CYTH2: variants seen among roughly 807,000 people sequenced by gnomAD.
CYTH2 encodes cytohesin 2, also known as cytohesin-2.
A neutral mutation model predicts 55.4 loss-of-function variants in CYTH2; 24 were observed. The observed-to-expected ratio is 0.43, with a 90% CI of 0.31 to 0.61. The LOEUF (loss-of-function observed/expected upper bound fraction) is 0.61, where lower values mean the gene tolerates loss of function less well. Ranked by LOEUF, CYTH2 falls within the 20% of genes least tolerant of loss-of-function variation. CYTH2 has a pLI of 0.08. For synonymous variants in CYTH2, 221 were observed against 209.6 expected (o/e 1.05, Z -0.47); for missense variants, 378 against 533.5 (o/e 0.71, Z 2.87).
At chr19:48,469,788 G>A (rs1971747701) in intron 1 of CYTH2, 1 of 465,410 alleles carries the variant, frequency 2.1e-6, no homozygotes, top group Non-Finnish European at 3.8e-6. Context: ...GGCCGGGGCG[G>A]AACCATTCCC....
In CYTH2 at chr19:48,474,207, C is replaced by A; in HGVS notation, c.573C>A (p.Ala191=). 2 of 1,607,790 alleles carry A rather than the reference C, an allele frequency of 1.2e-6. No individual in the cohort carries two copies. Among genetic ancestry groups the A allele is most frequent in the Admixed American group, 1.7e-5 (1 of 59,200 alleles). ...STDTCYVLSF[A]VIMLNTSLHN... is the part of the protein sequence containing the mutation. The stretch of plus-strand genomic sequence containing the variant: ...ACACGTGCTATGTGCTGTCCTTCGC[C>A]GTCATCATGCTCAACACCAGTCTCC... Residue 191 remains alanine, a synonymous_variant, in exon 7 of 12, where the codon GCC becomes GCA. Coordinates refer to ENST00000452733, the MANE Select transcript of CYTH2 (RefSeq NM_004228.7). This position sits in a 1 kb window ranked among gnomAD's most constrained non-coding sequence, Gnocchi z 4.9.
At chr19:48,469,601 C>G (rs898719481) in intron 1 of CYTH2, 75 bp downstream of exon 1, 1 of 1,315,566 alleles carries the variant, frequency 7.6e-7, no homozygotes. Flanking sequence ...GCGAACGTTT[C>G]CCCCTGGCGC....
chr19:48,475,027 C>T (rs1971884131), intron 8 of CYTH2, 78 bp downstream of exon 8: 1 of 1,294,886 alleles, frequency 7.7e-7, no homozygotes, highest in Non-Finnish European at 1.1e-6. Flanking sequence ...AGCTTCCGCA[C>T]ACACCTGCTG....
chr19:48,478,168 T>C, intron 9 of CYTH2, 23 bp downstream of exon 9: 1 of 1,613,306 alleles, frequency 6.2e-7, no homozygotes, highest in Non-Finnish European at 8.5e-7. Flanking sequence ...CGACCCGGGC[T>C]CTGGGGTCCT....
intron 3 of CYTH2, 103 bp downstream of exon 3, chr19:48,470,772 GT>G: frequency 7.6e-7 from 1 of 1,310,618 alleles, no homozygotes; most frequent in Non-Finnish European, 1.1e-6. Flanking sequence ...TCTATTCTAG[GT>G]GGACAGACTT....
At position 48,473,910 on chromosome 19, in the gene CYTH2, T is replaced by G; in HGVS notation, c.440T>G (p.Phe147Cys). 1.2e-6 allele frequency: 2 copies of G among 1,606,062 alleles called. No homozygotes were observed. Among genetic ancestry groups the G allele is most frequent in the Non-Finnish European group, 1.7e-6 (2 of 1,176,276 alleles). Residue 147 changes from phenylalanine to cysteine, a missense_variant, in exon 6 of 12, where the codon TTT becomes TGT. Physicochemically the swap from Phe to Cys is radical, Grantham distance 205. Transcript: ENST00000452733. ...CTGGCCCCTCCCCAACCCAGGCAGTTTCTATGGAGCTTTCGCCTACCCGGA... is the reference window on the plus strand; with the variant it reads ...CTGGCCCCTCCCCAACCCAGGCAGTGTCTATGGAGCTTTCGCCTACCCGGA... ...DLNLVQALRQ[F>C]LWSFRLPGEA... is the part of the protein sequence containing the mutation.
Position 48,474,392 on chromosome 19 carries a change from C to T in CYTH2, c.696+62C>T. 6.6e-7 allele frequency: 1 copy of T among 1,506,650 alleles called. No individual in the cohort carries two copies. Among genetic ancestry groups the T allele is most frequent in the Admixed American group, 2.2e-5 (1 of 45,882 alleles). 93.3% of individuals were successfully genotyped at this position (1,506,650 alleles called of 1,614,324 possible). A position where few individuals can be genotyped will look rare whatever the true frequency, so the allele number is the denominator to read the frequency against. ...CTTCCTGCCACAGACACCCCCGCCC[C>T]ACCTGTGGTCTCCTAGTGCCCAAGC... On this transcript the variant is annotated intron_variant, in intron 7 of 11. Transcript: ENST00000452733. This position sits in a 1 kb window ranked among gnomAD's most constrained non-coding sequence, Gnocchi z 4.9.
rs192435801 is a variant in CYTH2, at chr19:48,473,544, C to T, written c.434+166C>T. 8.6e-4 allele frequency: 579 copies of T among 675,834 alleles called. 4 individuals are homozygous for T. In the African/African-American group the frequency reaches 8.7e-3, roughly 10 times the overall value. The allele number at this position is 675,834 out of a possible 1,614,324, so 41.9% of individuals were successfully genotyped here. A position where few individuals can be genotyped will look rare whatever the true frequency, so the allele number is the denominator to read the frequency against. ...CCATAAAAGTTCAGGGTTATGGCCT[C>T]CTTCAGGTATGGCTATATCCAGGAG... is the stretch of plus-strand genomic sequence containing the variant. On this transcript the variant is annotated intron_variant, in intron 5 of 11. Transcript: ENST00000452733.
At chr19:48,473,489 C>A in intron 5 of CYTH2, 111 bp downstream of exon 5, 1 of 1,126,760 alleles carries the variant, frequency 8.9e-7, no homozygotes, top group Admixed American at 1.9e-5. Flanking sequence ...AAAACAGAAA[C>A]AAAAACTAGG....
chr19:48,471,810 G>C (rs1971802825), intron 3 of CYTH2, among the ~76,000 whole-genome samples: 1 of 152,242 alleles, frequency 6.6e-6, no homozygotes. Context: ...AGTGCTTTGA[G>C]AGGCCGAGGA....
At position 48,479,432 on chromosome 19, in the gene CYTH2, C is replaced by T. The variant is rs1361284706; in HGVS notation, c.*222C>T. 1 of 530,514 alleles carries T rather than the reference C, an allele frequency of 1.9e-6. No homozygotes were observed. The highest frequency in any genetic ancestry group is 3.4e-6 in the Non-Finnish European group (1 of 296,576). 32.9% of individuals were successfully genotyped at this position (530,514 alleles called of 1,614,324 possible). ...TCTTGGGGTTGACAGAGTCGAGGTGCTCCGTGGAGCCAGCCTGTTTCCCTG... is the reference window on the plus strand; with the variant it reads ...TCTTGGGGTTGACAGAGTCGAGGTGTTCCGTGGAGCCAGCCTGTTTCCCTG... On this transcript the variant is annotated 3_prime_UTR_variant, in exon 12 of 12. Transcript: ENST00000452733.
intron 4 of CYTH2, chr19:48,473,075 G>A: frequency 1.8e-6 from 1 of 554,478 alleles, no homozygotes; most frequent in Non-Finnish European, 3.3e-6. Context: ...ACAAAGGTCT[G>A]GCCTAAGCAG....
chr19:48,477,741 G>GTC, intron 8 of CYTH2: 1 of 364,114 alleles, frequency 2.7e-6, no homozygotes, highest in South Asian at 5.5e-5. Context: ...ACCTGTCTTT[G>GTC]TCTCCCATCA....
At position 48,473,390 on chromosome 19, in the gene CYTH2, G is replaced by T. The variant is rs77294854; in HGVS notation, c.434+12G>T. 5.7e-4 allele frequency: 925 copies of T among 1,613,158 alleles called. 10 individuals carry two copies. In the East Asian group the frequency reaches 0.018, roughly 32 times the overall value. On this transcript the variant is annotated intron_variant, in intron 5 of 11. Coordinates refer to ENST00000452733, the MANE Select transcript of CYTH2 (RefSeq NM_004228.7). The stretch of plus-strand genomic sequence containing the variant: ...GTGCAGGCCCTCAGGTGAGTGAGGG[G>T]GAGGGGTTTGGAACGCCAGGAATGT...
chr19:48,478,469 A>G lies in CYTH2; in HGVS notation c.989A>G (p.Lys330Arg). The change falls in exon 11 of 12, where the codon AAG becomes AGG. Residue 330 changes from lysine (K) to arginine (R), a missense_variant. Transcript: ENST00000452733. ...TTTGAACTTTACATCCCCAACAACA[A>G]GGGGCAGCTCATCAAAGCCTGCAAA... ...NCFELYIPNN[K>R]GQLIKACKTE... The G allele has an allele frequency of 6.2e-7, 1 of 1,614,042 alleles. No individual in the cohort carries two copies. The highest frequency in any genetic ancestry group is 8.5e-7 in the Non-Finnish European group (1 of 1,179,972).
chr19:48,470,479 G>A lies in CYTH2; in HGVS notation c.146G>A (p.Gly49Glu), dbSNP rs893860978. ...AGTGAAGCCATGAGCGAGGTGGAGG[G>A]GCTGGAGGCCAATGAGGGCAGGTGA... Reference protein sequence around the residue: ...ELSEAMSEVEGLEANEGSKTL... With the variant: ...ELSEAMSEVEELEANEGSKTL... Residue 49 changes from glycine (G) to glutamate (E), a missense_variant, in exon 2 of 12, where the codon GGG (glycine) becomes GAG (glutamate). Coordinates refer to ENST00000452733, the MANE Select transcript of CYTH2 (RefSeq NM_004228.7). 1.1e-5 allele frequency: 18 copies of A among 1,614,026 alleles called. No individual in the cohort carries two copies. The highest frequency in any genetic ancestry group is 1.5e-5 in the Non-Finnish European group (18 of 1,179,922).
intron 8 of CYTH2, 74 bp downstream of exon 8, chr19:48,475,023 C>T (rs772849706): frequency 5.3e-5 from 70 of 1,326,290 alleles, no homozygotes; most frequent in South Asian, 2.4e-4. Context: ...ACTCAGCTTC[C>T]GCACACACCT....
chr19:48,479,299 CCT>C lies in CYTH2; in HGVS notation c.*90_*91del. On this transcript the variant is annotated 3_prime_UTR_variant, in exon 12 of 12. Transcript: ENST00000452733. Reference sequence around the variant, plus strand: ...GCCTTGGGGCTGTGGATCCTGGTTCCCTGTTTGGAAAATTCACCACCTCTAGC... The same window carrying C: ...GCCTTGGGGCTGTGGATCCTGGTTCCGTTTGGAAAATTCACCACCTCTAGC... 4.9e-6 allele frequency: 7 copies of C among 1,416,012 alleles called. No homozygotes were observed. Among genetic ancestry groups the C allele is most frequent in the East Asian group, 2.3e-5 (1 of 43,124 alleles). The allele number at this position is 1,416,012 out of a possible 1,614,324, so 87.7% of individuals were successfully genotyped here.
chr19:48,471,814 C>T (rs1971802988), intron 3 of CYTH2, among the ~76,000 whole-genome samples: 2 of 152,132 alleles, frequency 1.3e-5, no homozygotes, highest in Admixed American at 1.3e-4. Flanking sequence ...CTTTGAGAGG[C>T]CGAGGAGGGA....
Sources: gnomAD v4.1 joint callset for allele counts (sites outside exome capture counted in the v4.1 genomes callset) on GRCh38, gnomAD v4.1.1 for gene constraint, Gnocchi (gnomAD v3.1) non-coding constraint, MANE v1.5 for transcripts, NCBI Gene and HGNC (gene_info 2026-07-23, HGNC 2026-07-21) for gene names.